The following KLHL12 variants were observed in gnomAD, a reference collection of about 807,000 sequenced individuals.
The protein encoded by KLHL12 is kelch-like protein 12.
In KLHL12, 17 loss-of-function variants were observed where a neutral mutation model predicts 60.8. That is an observed-to-expected ratio of 0.28 (90% CI 0.19 to 0.42). KLHL12 has a LOEUF of 0.42. Among genes scored for constraint, KLHL12 ranks in the 10% least tolerant of loss-of-function variants. KLHL12 has a pLI of 1.00. For synonymous variants in KLHL12, 220 were observed against 250.9 expected, an observed-to-expected ratio of 0.88 and a Z score of 1.16; for missense variants, 468 against 722.3, an observed-to-expected ratio of 0.65 and a Z score of 4.04.
chr1:202,892,318 T>C lies in KLHL12; in HGVS notation c.*215A>G, dbSNP rs1659699362. 6.0e-6 allele frequency: 3 copies of C among 499,232 alleles called. No homozygotes were observed. The highest frequency in any genetic ancestry group is 1.1e-5 in the Non-Finnish European group (3 of 284,348). 30.9% of individuals were successfully genotyped at this position (499,232 alleles called of 1,614,324 possible). ...GTCTCTCACATCCATTCAATGTGCA[T>C]TCTTTTTCCTGGAATATCTGTTACC... On this transcript the variant is annotated 3_prime_UTR_variant, in exon 12 of 12. Transcript: ENST00000367261.
chr1:202,892,512 T>C lies in KLHL12; in HGVS notation c.*21A>G. 6.2e-7 allele frequency: 1 copy of C among 1,612,016 alleles called. No homozygotes were observed. Among genetic ancestry groups the C allele is most frequent in the Non-Finnish European group, 8.5e-7 (1 of 1,179,154 alleles). On this transcript the variant is annotated 3_prime_UTR_variant, in exon 12 of 12. Transcript: ENST00000367261. ...TGTCCACTGGACTGGTCACTAGCTC[T>C]GGATGGTGCTCCAACAATGGTCACT...
intron 4 of KLHL12, chr1:202,912,481 T>A (rs10753927): frequency 2.2e-6 from 2 of 905,098 alleles, no homozygotes; most frequent in Non-Finnish European, 3.6e-6. Flanking sequence ...GTGGATATGG[T>A]GGCAGTGAGG....
At chr1:202,902,553 T>C (rs1457661579) in intron 6 of KLHL12, among the ~76,000 whole-genome samples, 1 of 152,228 alleles carries the variant, frequency 6.6e-6, no homozygotes, top group Non-Finnish European at 1.5e-5. Context: ...GTTATAATAT[T>C]CTTAGGCATT....
rs1271656995 is a variant in KLHL12 at position 202,892,449 on chromosome 1, CAG to C, written c.*82_*83del. 2 of 1,510,220 alleles carry C rather than the reference CAG, an allele frequency of 1.3e-6. No individual in the cohort carries two copies. The highest frequency in any genetic ancestry group is 1.8e-6 in the Non-Finnish European group (2 of 1,100,386). The allele number at this position is 1,510,220 out of a possible 1,614,324, so 93.6% of individuals were successfully genotyped here. A position where few individuals can be genotyped will look rare whatever the true frequency, so the allele number is the denominator to read the frequency against. ...ATCACCCGGTGCACATAGTGAGAAA[CAG>C]ACATTCTGGAAAGGATTTTTGATTC... is the stretch of plus-strand genomic sequence containing the variant. On this transcript the variant is annotated 3_prime_UTR_variant, in exon 12 of 12. Coordinates refer to ENST00000367261, the MANE Select transcript of KLHL12 (RefSeq NM_021633.4).
intron 6 of KLHL12, among the ~76,000 whole-genome samples, chr1:202,899,746 A>T (rs1659947504): frequency 6.6e-6 from 1 of 151,848 alleles, no homozygotes; most frequent in Non-Finnish European, 1.5e-5. Flanking sequence ...GAATCACTTG[A>T]ACTGAGGAAG....
intron 6 of KLHL12, among the ~76,000 whole-genome samples, chr1:202,905,408 C>T (rs902480429): frequency 4.6e-5 from 7 of 152,172 alleles, no homozygotes; most frequent in Non-Finnish European, 8.8e-5. Flanking sequence ...TGAACATTAA[C>T]TCTGTTGATA....
At chr1:202,914,551 G>T (rs1438060522) in intron 4 of KLHL12, among the ~76,000 whole-genome samples, 1 of 152,122 alleles carries the variant, frequency 6.6e-6, no homozygotes, top group Non-Finnish European at 1.5e-5. Flanking sequence ...ATGAGCAGAG[G>T]TTTTTTAGTT....
Position 202,925,064 on chromosome 1 carries a change from A to C in KLHL12, c.99T>G (p.Cys33Trp), listed in dbSNP as rs1653458651. 6.2e-7 allele frequency: 1 copy of C among 1,614,212 alleles called. No homozygotes were observed. The highest frequency in any genetic ancestry group is 2.2e-5 in the East Asian group (1 of 44,888). The change falls in exon 2 of 12, where the codon TGT becomes TGG. Residue 33 changes from cysteine (C) to tryptophan (W), a missense_variant. Around this residue, in one of 4 missense-constraint regions of KLHL12, gnomAD observed 61 missense variants for 59.9 expected, o/e 1.02. Transcript: ENST00000367261. Reference sequence around the variant, plus strand: ...TCTGCTCTACTCTCAATGTCACATCACAGAGGGTATTGCTCTTCCTGAGGG... The same window carrying C: ...TCTGCTCTACTCTCAATGTCACATCCCAGAGGGTATTGCTCTTCCTGAGGG... ...MNSLRKSNTL[C>W]DVTLRVEQKD...
chr1:202,896,974 C>G lies in KLHL12; in HGVS notation c.833-14G>C. On this transcript the variant is annotated splice_polypyrimidine_tract_variant and intron_variant, in intron 6 of 11. Coordinates refer to ENST00000367261, the MANE Select transcript of KLHL12 (RefSeq NM_021633.4). ...CTTCATTGGCTCCTGAAGACAAAGG[C>G]AGAAAAAAGATGGGTTAGTTCAGCA... The G allele has an allele frequency of 6.2e-7, 1 of 1,607,774 alleles. No homozygotes were observed. Among genetic ancestry groups the G allele is most frequent in the Non-Finnish European group, 8.5e-7 (1 of 1,174,284 alleles).
In KLHL12 at chr1:202,894,661, C is replaced by A; in HGVS notation, c.1224G>T (p.Met408Ile). Residue 408 changes from methionine (M) to isoleucine (I), a missense_variant, in exon 9 of 12, where the codon ATG becomes ATT. This residue lies in a region of KLHL12 where 339 missense variants were observed against 525.0 expected (regional missense o/e 0.65). Coordinates refer to ENST00000367261, the MANE Select transcript of KLHL12 (RefSeq NM_021633.4). ...CCCGGGCTGTCTGCATATCTCCCAG[C>A]ATGCTCCACTGGTCAATGTTTGGAT... ...RYDPNIDQWS[M>I]LGDMQTAREG... 1 of 1,614,162 alleles carries A rather than the reference C, an allele frequency of 6.2e-7. No individual in the cohort carries two copies. Among genetic ancestry groups the A allele is most frequent in the Non-Finnish European group, 8.5e-7 (1 of 1,180,004 alleles).
chr1:202,900,454 A>G (rs73089386), intron 6 of KLHL12, among the ~76,000 whole-genome samples: 32,862 of 151,838 alleles, frequency 0.22, 4,300 homozygotes, highest in East Asian at 0.53. Context: ...TGAGGCTGAC[A>G]TGGGAGGATC....
rs549384766 is a variant in KLHL12, at chr1:202,921,175, T to C, written c.196-1267A>G. On this transcript the variant is annotated intron_variant, in intron 2 of 11. Coordinates refer to ENST00000367261, the MANE Select transcript of KLHL12 (RefSeq NM_021633.4). ...ACAGGAGTACACCACTACAACCAGCTAATTTTTTTTTTTTTTTTTGACACA... is the reference window on the plus strand; with the variant it reads ...ACAGGAGTACACCACTACAACCAGCCAATTTTTTTTTTTTTTTTTGACACA... 1.9e-4 allele frequency among the ~76,000 whole-genome samples: 27 copies of C among 140,784 alleles called. No individual in the cohort carries two copies. In the East Asian group the frequency reaches 6.6e-3, roughly 34 times the overall value. 92.4% of individuals were successfully genotyped at this position (140,784 alleles called of 152,430 possible). A position where few individuals can be genotyped will look rare whatever the true frequency, so the allele number is the denominator to read the frequency against.
chr1:202,923,597 G>C (rs1653333485), intron 2 of KLHL12, among the ~76,000 whole-genome samples: 1 of 152,142 alleles, frequency 6.6e-6, no homozygotes, highest in Non-Finnish European at 1.5e-5. Flanking sequence ...AACTGTTTGG[G>C]CTTTAGAGTT....
At chr1:202,923,805 C>T (rs1358220390) in intron 2 of KLHL12, among the ~76,000 whole-genome samples, 5 of 151,844 alleles carry the variant, frequency 3.3e-5, no homozygotes, top group East Asian at 1.9e-4. Flanking sequence ...TCACAGAATA[C>T]GCCTCTCCCA....
In KLHL12 at chr1:202,911,041, T is replaced by C. The variant is rs755130710; in HGVS notation, c.717+13A>G. 3.7e-6 allele frequency: 6 copies of C among 1,613,568 alleles called. No individual in the cohort carries two copies. In the Admixed American group the frequency reaches 5.0e-5, roughly 13 times the overall value. Reference sequence around the variant, plus strand: ...GTCAAGGTTTTGGATCCTGAGAGTGTTGCACTACTTACCTCAGCATCTATT... The same window carrying C: ...GTCAAGGTTTTGGATCCTGAGAGTGCTGCACTACTTACCTCAGCATCTATT... On this transcript the variant is annotated intron_variant, in intron 5 of 11. Coordinates refer to ENST00000367261, the MANE Select transcript of KLHL12 (RefSeq NM_021633.4).
At chr1:202,916,978 A>G (rs933716928) in intron 4 of KLHL12, among the ~76,000 whole-genome samples, 2 of 151,334 alleles carry the variant, frequency 1.3e-5, no homozygotes, top group Non-Finnish European at 2.9e-5. Flanking sequence ...CTCAGAAGAA[A>G]AAAAAAAAAA....
rs368086460 is a variant in KLHL12 at position 202,917,343 on chromosome 1, T to G, written c.567+828A>C. Among the ~76,000 whole-genome samples, 6 of 152,280 alleles carry G rather than the reference T, an allele frequency of 3.9e-5. No individual in the cohort carries two copies. In the East Asian group the frequency reaches 1.2e-3, roughly 29 times the overall value. On this transcript the variant is annotated intron_variant, in intron 4 of 11. Transcript: ENST00000367261. ...GATCCTCCCACCTCAGCCTCTCAAG[T>G]AGCTGGGACCACAGGTGCTCACCAC...
intron 5 of KLHL12, among the ~76,000 whole-genome samples, chr1:202,910,842 A>G (rs772486643): frequency 8.5e-5 from 13 of 152,218 alleles, no homozygotes; most frequent in Admixed American, 2.0e-4. Flanking sequence ...ATTGAACCAC[A>G]GATTTTCATT....
chr1:202,914,531 T>C (rs1226302404), intron 4 of KLHL12, among the ~76,000 whole-genome samples: 1 of 150,770 alleles, frequency 6.6e-6, no homozygotes, highest in Admixed American at 6.6e-5. Flanking sequence ...AAAGATAGAG[T>C]TTTTCAATCA....
Sources: gnomAD v4.1 joint callset for allele counts (sites outside exome capture counted in the v4.1 genomes callset) on GRCh38, gnomAD v4.1.1 for gene constraint, gnomAD v4.1.1 regional missense constraint, MANE v1.5 for transcripts, NCBI Gene and HGNC (gene_info 2026-07-23, HGNC 2026-07-21) for gene names.